MCRS1: variants seen among roughly 807,000 people sequenced by gnomAD.
MCRS1 encodes the protein 58 kDa microspherule protein.
In MCRS1, 22 loss-of-function variants were observed where a neutral mutation model predicts 62.9. The observed-to-expected ratio is 0.35, with a 90% CI of 0.25 to 0.50. The LOEUF (loss-of-function observed/expected upper bound fraction) is 0.50, where lower values mean the gene tolerates loss of function less well. Ranked by LOEUF, MCRS1 falls within the 20% of genes least tolerant of loss-of-function variation. The pLI is 0.98. For synonymous variants in MCRS1, 244 were observed against 233.5 expected, an observed-to-expected ratio of 1.04 and a Z score of -0.41; for missense variants, 456 against 601.1, an observed-to-expected ratio of 0.76 and a Z score of 2.52.
At chr12:49,562,864 A>AT in intron 8 of MCRS1, 137 bp downstream of exon 8, 1 of 1,152,774 alleles carries the variant, frequency 8.7e-7, no homozygotes, top group Non-Finnish European at 1.2e-6. Context: ...TTTTTTTGCA[A>AT]TGTGAGGTGA....
chr12:49,562,970 A>T (rs778009432), intron 8 of MCRS1, 31 bp downstream of exon 8: 27 of 1,584,076 alleles, frequency 1.7e-5, no homozygotes, highest in Non-Finnish European at 2.2e-5. Context: ...ACGTGCACAC[A>T]CCCCCATTCT....
Position 49,559,533 on chromosome 12 carries a change from T to A in MCRS1, c.1006A>T (p.Met336Leu). The A allele has an allele frequency of 6.2e-7, 1 of 1,609,934 alleles. No homozygotes were observed. Among genetic ancestry groups the A allele is most frequent in the Non-Finnish European group, 8.5e-7 (1 of 1,179,990 alleles). ...TGGTTGTCGAAGTCCGGAGAGCTCATGCCTGGGAGAAGAGGGAGTTTGGAA... is the reference window on the plus strand; with the variant it reads ...TGGTTGTCGAAGTCCGGAGAGCTCAAGCCTGGGAGAAGAGGGAGTTTGGAA... ...WQVLVDSITG[M>L]SSPDFDNQTL... The change falls in exon 12 of 15, where the codon ATG (methionine) becomes TTG (leucine). Residue 336 changes from methionine (M) to leucine (L), a missense_variant and splice_region_variant. By Grantham distance (15) the Met-to-Leu change is conservative. Coordinates refer to ENST00000343810, the MANE Select transcript of MCRS1 (RefSeq NM_006337.5). The surrounding 1 kb of genome is among the most constrained non-coding windows in gnomAD (Gnocchi z 5.2).
intron 4 of MCRS1, chr12:49,565,139 G>A (rs1253258096): frequency 4.1e-6 from 4 of 985,258 alleles, no homozygotes; most frequent in African/African-American, 3.5e-5. Flanking sequence ...CAGTATCCCC[G>A]ACCCCAGAGT....
At position 49,563,380 on chromosome 12, in the gene MCRS1, T is replaced by G. The variant is rs1938878783; in HGVS notation, c.666+58A>C. 5.3e-6 allele frequency: 8 copies of G among 1,520,772 alleles called. No individual in the cohort carries two copies. The East Asian group carries it at 1.8e-4, about 34-fold the overall frequency. The allele number at this position is 1,520,772 out of a possible 1,614,324, so 94.2% of individuals were successfully genotyped here. On this transcript the variant is annotated intron_variant, in intron 7 of 14. Coordinates refer to ENST00000343810, the MANE Select transcript of MCRS1 (RefSeq NM_006337.5). Reference sequence around the variant, plus strand: ...GGAGCTCTCCACATCAGTGGTTTTCTAGGTGGTCCAGCTCTCGCTGTGCCC... The same window carrying G: ...GGAGCTCTCCACATCAGTGGTTTTCGAGGTGGTCCAGCTCTCGCTGTGCCC...
rs1938632103 is a variant in MCRS1, at chr12:49,559,398, G to C, written c.1086+55C>G. The C allele has an allele frequency of 9.9e-6, 16 of 1,610,362 alleles. 1 individual carries two copies. In the South Asian group the frequency reaches 1.4e-4, roughly 14 times the overall value. ...GATGGGAAACCAAGGACTACGCAGA[G>C]AAAGGCACTGACAGAGGAAGCAGCC... On this transcript the variant is annotated intron_variant, in intron 12 of 14. Coordinates refer to ENST00000343810, the MANE Select transcript of MCRS1 (RefSeq NM_006337.5). The surrounding 1 kb of genome is among the most constrained non-coding windows in gnomAD (Gnocchi z 5.2).
intron 2 of MCRS1, 42 bp downstream of exon 2, chr12:49,566,680 T>C (rs752953588): frequency 7.4e-6 from 12 of 1,613,396 alleles, no homozygotes; most frequent in Non-Finnish European, 8.5e-6. Flanking sequence ...AGCAGATGCT[T>C]GGCGCCCGAG....
Position 49,563,532 on chromosome 12 carries a change from G to A in MCRS1, c.572C>T (p.Ala191Val). 1 of 1,610,048 alleles carries A rather than the reference G, an allele frequency of 6.2e-7. No individual in the cohort carries two copies. The highest frequency in any genetic ancestry group is 8.5e-7 in the Non-Finnish European group (1 of 1,178,832). Residue 191 changes from alanine (A) to valine (V), a missense_variant, in exon 7 of 15, where the codon GCC becomes GTC. Ala to Val is a moderately conservative substitution (Grantham distance 64). This residue lies in a region of MCRS1 where 393 missense variants were observed against 523.5 expected (regional missense o/e 0.75). Coordinates refer to ENST00000343810, the MANE Select transcript of MCRS1 (RefSeq NM_006337.5). ...AGCCTCTGGGTGCAGCTGCCTCATG[G>A]CCTGACAGGCCAACCTGGACACGGA... ...DPVISKLACQAMRQLHPEAIA... is the reference protein window; with the variant it reads ...DPVISKLACQVMRQLHPEAIA...
At chr12:49,560,485 C>G in intron 8 of MCRS1, 115 bp from the exon 9 acceptor site, 3 of 901,904 alleles carry the variant, frequency 3.3e-6, no homozygotes, top group Non-Finnish European at 5.5e-6. Flanking sequence ...GAGCCCAGCA[C>G]CAGCAAGGGT....
chr12:49,560,182 G>A (rs1041037201), intron 9 of MCRS1, 113 bp downstream of exon 9: 13 of 1,285,126 alleles, frequency 1.0e-5, no homozygotes, highest in African/African-American at 1.5e-5. Flanking sequence ...CTCAGCCAGG[G>A]GGGGCCAAGC....
chr12:49,566,592 G>T, intron 2 of MCRS1, 130 bp downstream of exon 2: 1 of 1,492,932 alleles, frequency 6.7e-7, no homozygotes, highest in Non-Finnish European at 9.2e-7. Context: ...ACAGGTACAT[G>T]GGTGGTGCTG....
rs370678471 is a variant in MCRS1 at position 49,559,924 on chromosome 12, T to G, written c.910+15A>C. On this transcript the variant is annotated intron_variant, in intron 10 of 14. Coordinates refer to ENST00000343810, the MANE Select transcript of MCRS1 (RefSeq NM_006337.5). The surrounding 1 kb of genome is among the most constrained non-coding windows in gnomAD (Gnocchi z 5.2). ...GAGCTTCCATCCCCTCACCACCCCA[T>G]GAGGCCATACTTACCATGTTCCAGG... is the stretch of plus-strand genomic sequence containing the variant. 2.4e-5 allele frequency: 39 copies of G among 1,614,032 alleles called. 1 individual carries two copies. The African/African-American group carries it at 4.5e-4, about 19-fold the overall frequency.
intron 8 of MCRS1, among the ~76,000 whole-genome samples, chr12:49,561,830 T>C (rs770124253): frequency 5.3e-5 from 8 of 152,118 alleles, no homozygotes; most frequent in African/African-American, 9.7e-5. Flanking sequence ...GGTTATACCA[T>C]GTTGGTCAGG....
Position 49,563,139 on chromosome 12 carries a change from T to C in MCRS1, c.667A>G (p.Thr223Ala). 1 of 1,558,606 alleles carries C rather than the reference T, an allele frequency of 6.4e-7. No individual in the cohort carries two copies. The highest frequency in any genetic ancestry group is 8.7e-7 in the Non-Finnish European group (1 of 1,150,278). ...EEQLLSKVGS[T>A]SQPTLETFQD... ...AAGGTCTCCAAGGTGGGCTGGCTGG[T>C]CTAGAGGGCAAGAAACATTCTCTAG... Residue 223 changes from threonine (T) to alanine (A), a missense_variant and splice_region_variant, in exon 8 of 15, where the codon ACC becomes GCC. Transcript: ENST00000343810.
intron 2 of MCRS1, 39 bp from the exon 3 acceptor site, chr12:49,566,254 T>C: frequency 6.3e-7 from 1 of 1,591,414 alleles, no homozygotes; most frequent in South Asian, 1.1e-5. Flanking sequence ...CCTCCTAAGA[T>C]CCTAGAGCCT....
At position 49,566,130 on chromosome 12, in the gene MCRS1, C is replaced by T; in HGVS notation, c.96G>A (p.Lys32=). ...TGCCCAAGGCCTGGGAGGAGGCTCG[C>T]TTCTGCCCTGCCAGTGACTCCTCAT... ...SEDEESLAGQ[K]RASSQALGTI... is the part of the protein sequence containing the mutation. Residue 32 remains lysine (K), a synonymous_variant, in exon 3 of 15, where the codon AAG becomes AAA. Coordinates refer to ENST00000343810, the MANE Select transcript of MCRS1 (RefSeq NM_006337.5). 6.2e-7 allele frequency: 1 copy of T among 1,614,224 alleles called. No homozygotes were observed. Among genetic ancestry groups the T allele is most frequent in the Non-Finnish European group, 8.5e-7 (1 of 1,180,034 alleles).
At chr12:49,566,559 G>C in intron 2 of MCRS1, 163 bp downstream of exon 2, 1 of 1,475,742 alleles carries the variant, frequency 6.8e-7, no homozygotes, top group African/African-American at 1.4e-5. Context: ...TCAACAGCAA[G>C]TCAGTCAACT....
chr12:49,564,339 G>C, intron 6 of MCRS1, 142 bp downstream of exon 6: 1 of 644,546 alleles, frequency 1.6e-6, no homozygotes, highest in Non-Finnish European at 2.7e-6. Flanking sequence ...AAGCCTCTCA[G>C]GCCTCAGTAT....
At position 49,558,395 on chromosome 12, in the gene MCRS1, G is replaced by A. The variant is rs1938563321; in HGVS notation, c.*248C>T. The stretch of plus-strand genomic sequence containing the variant: ...GAGACACAGGAGTGAAGGTGGCAAT[G>A]GGGGGTAGGGTTGTTTTTAGAGAGA... On this transcript the variant is annotated 3_prime_UTR_variant, in exon 15 of 15. Coordinates refer to ENST00000343810, the MANE Select transcript of MCRS1 (RefSeq NM_006337.5). 1.9e-6 allele frequency: 1 copy of A among 522,892 alleles called. No homozygotes were observed. Among genetic ancestry groups the A allele is most frequent in the East Asian group, 3.0e-5 (1 of 33,704 alleles). The allele number at this position is 522,892 out of a possible 1,614,324, so 32.4% of individuals were successfully genotyped here.
At chr12:49,566,299 TG>T in intron 2 of MCRS1, 84 bp from the exon 3 acceptor site, 1 of 1,101,592 alleles carries the variant, frequency 9.1e-7, no homozygotes, top group Non-Finnish European at 1.3e-6. Flanking sequence ...CCCCTTCCCC[TG>T]CCAGCCCTCT....
Sources: allele counts gnomAD v4.1 joint callset (sites outside exome capture counted in the v4.1 genomes callset), GRCh38; gene constraint gnomAD v4.1.1; regional missense constraint gnomAD v4.1.1; non-coding constraint Gnocchi (gnomAD v3.1); transcripts MANE v1.5; gene names NCBI Gene and HGNC (gene_info 2026-07-23, HGNC 2026-07-21).